KIF20B: variants seen among roughly 807,000 people sequenced by gnomAD.
The protein encoded by KIF20B is kinesin family member 20B, also known as kinesin-like protein KIF20B.
In KIF20B, 188 loss-of-function variants were observed where a neutral mutation model predicts 232.5. The observed-to-expected ratio is 0.81, with a 90% CI of 0.72 to 0.91. The LOEUF is 0.91. KIF20B is among the 40% of genes least tolerant of loss of function. The pLI is 0.00. For missense variants in KIF20B, 2,154 were observed against 2,055.9 expected (o/e 1.05, Z -0.92); for synonymous variants, 712 against 683.0 (o/e 1.04, Z -0.66).
chr10:89,764,403 T>A (rs1319690130), intron 29 of KIF20B, among the ~76,000 whole-genome samples: 3 of 152,196 alleles, frequency 2.0e-5, no homozygotes, highest in Admixed American at 6.5e-5. Flanking sequence ...GTCCTTTGGG[T>A]ATATACCCAG....
intron 27 of KIF20B, 132 bp from the exon 28 acceptor site, chr10:89,760,394 A>C: frequency 1.6e-6 from 1 of 610,212 alleles, no homozygotes; most frequent in Non-Finnish European, 2.9e-6. Flanking sequence ...GTGGTAATTA[A>C]AGGTGTCTTT....
intron 5 of KIF20B, among the ~76,000 whole-genome samples, chr10:89,710,675 A>G (rs1276182446): frequency 1.3e-5 from 2 of 152,218 alleles, no homozygotes; most frequent in Non-Finnish European, 2.9e-5. Context: ...GAAATTTTAT[A>G]TTTCATTTTA....
At position 89,737,487 on chromosome 10, in the gene KIF20B, A is replaced by C. The variant is rs938519006; in HGVS notation, c.2646A>C (p.Glu882Asp). The part of the protein sequence containing the change: ...AEIEDIRVLQ[E>D]NNEGLRAFLL... The stretch of plus-strand genomic sequence containing the variant: ...TTGAAGACATCAGAGTTTTACAAGA[A>C]AATAATGAAGGACTGAGAGCATTTT... Residue 882 changes from glutamate to aspartate, a missense_variant, in exon 20 of 33, where the codon GAA becomes GAC. Physicochemically the swap from Glu to Asp is conservative, Grantham distance 45 (BLOSUM62 2). Coordinates refer to ENST00000371728, the MANE Select transcript of KIF20B (RefSeq NM_001284259.2). The C allele has an allele frequency of 1.9e-6, 3 of 1,609,416 alleles. No individual in the cohort carries two copies. Among genetic ancestry groups the C allele is most frequent in the Non-Finnish European group, 1.7e-6 (2 of 1,178,652 alleles).
At chr10:89,743,699 G>A in intron 21 of KIF20B, 109 bp from the exon 22 acceptor site, 1 of 634,888 alleles carries the variant, frequency 1.6e-6, no homozygotes, top group Non-Finnish European at 2.5e-6. Flanking sequence ...TTTTCTTTTA[G>A]GCTGTAAAGG....
intron 22 of KIF20B, 77 bp from the exon 23 acceptor site, chr10:89,745,822 C>T: frequency 1.1e-6 from 1 of 920,636 alleles, no homozygotes; most frequent in African/African-American, 1.6e-5. Flanking sequence ...AATATTGAGC[C>T]CTGTTTTCAA....
intron 30 of KIF20B, among the ~76,000 whole-genome samples, 164 bp from the exon 31 acceptor site, chr10:89,768,574 T>C (rs1842408423): frequency 6.6e-6 from 1 of 152,000 alleles, no homozygotes; most frequent in South Asian, 2.1e-4. Context: ...CCTGTCAAAC[T>C]CTTTTTGCCA....
rs1843223349 is a variant in KIF20B, at chr10:89,727,846, A to G, written c.2231-10A>G. ...TAGATATTTATTTTCAATGTTCTTT[A>G]TTTTTTCAGAATCAGATTCATTGAT... On this transcript the variant is annotated splice_polypyrimidine_tract_variant and intron_variant, in intron 16 of 32. Transcript: ENST00000371728. The G allele has an allele frequency of 6.5e-7, 1 of 1,543,250 alleles. No individual in the cohort carries two copies. The highest frequency in any genetic ancestry group is 2.3e-5 in the East Asian group (1 of 43,320).
rs199849699 is a variant in KIF20B at position 89,729,294 on chromosome 10, G to A, written c.2391+47G>A. On this transcript the variant is annotated intron_variant, in intron 18 of 32. Transcript: ENST00000371728. ...ATATTAATAAATTAGATAAGCATAT[G>A]TTTTGGTTGAAAGGAAATAATTTAA... 5.0e-6 allele frequency: 7 copies of A among 1,394,544 alleles called. No homozygotes were observed. In the East Asian group the frequency reaches 2.0e-4, roughly 40 times the overall value. 86.4% of individuals were successfully genotyped at this position (1,394,544 alleles called of 1,614,324 possible). A position where few individuals can be genotyped will look rare whatever the true frequency, so the allele number is the denominator to read the frequency against.
intron 23 of KIF20B, among the ~76,000 whole-genome samples, chr10:89,748,313 A>G (rs1841958164): frequency 6.6e-6 from 1 of 152,158 alleles, no homozygotes; most frequent in South Asian, 2.1e-4. Context: ...CCTGGCCACA[A>G]AATTTCTTTT....
chr10:89,729,188 G>C lies in KIF20B; in HGVS notation c.2332G>C (p.Asp778His). The C allele has an allele frequency of 1.4e-6, 2 of 1,480,090 alleles. No homozygotes were observed. Among genetic ancestry groups the C allele is most frequent in the Non-Finnish European group, 1.8e-6 (2 of 1,101,514 alleles). The allele number at this position is 1,480,090 out of a possible 1,614,324, so 91.7% of individuals were successfully genotyped here. A position where few individuals can be genotyped will look rare whatever the true frequency, so the allele number is the denominator to read the frequency against. The change falls in exon 18 of 33, where the codon GAT becomes CAT. Residue 778 changes from aspartate to histidine, a missense_variant. Coordinates refer to ENST00000371728, the MANE Select transcript of KIF20B (RefSeq NM_001284259.2). ...ELINIIDQKEDTINEFQNLKS... is the reference protein window; with the variant it reads ...ELINIIDQKEHTINEFQNLKS... Reference sequence around the variant, plus strand: ...GATAAATATAATTGATCAAAAAGAAGATACTATCAACGAATTTCAGAACCT... The same window carrying C: ...GATAAATATAATTGATCAAAAAGAACATACTATCAACGAATTTCAGAACCT...
rs377662650 is a variant in KIF20B, at chr10:89,718,855, T to C, written c.1417T>C (p.Ser473Pro). Residue 473 changes from serine (S) to proline (P), a missense_variant, in exon 12 of 33, where the codon TCC becomes CCC. Transcript: ENST00000371728. ...TGAAACACTCAATGTATTGAAGTTC[T>C]CCGCCATTGCACAAAAAGTAAATAT... is the stretch of plus-strand genomic sequence containing the variant. ...YDETLNVLKF[S>P]AIAQKVCVPD... 1.3e-6 allele frequency: 2 copies of C among 1,561,646 alleles called. No individual in the cohort carries two copies. Among genetic ancestry groups the C allele is most frequent in the Non-Finnish European group, 1.7e-6 (2 of 1,156,088 alleles).
chr10:89,734,473 A>G (rs1564665585), intron 19 of KIF20B, among the ~76,000 whole-genome samples: 1 of 152,166 alleles, frequency 6.6e-6, no homozygotes, highest in Admixed American at 6.5e-5. Flanking sequence ...AAACAATCAC[A>G]TAAGTTTTTT....
intron 24 of KIF20B, among the ~76,000 whole-genome samples, chr10:89,751,915 C>A (rs1323655612): frequency 6.6e-6 from 1 of 151,804 alleles, no homozygotes; most frequent in African/African-American, 2.4e-5. Context: ...ATGTGTGATT[C>A]TTGTAGAAAG....
At chr10:89,740,063 C>G (rs2133131791) in intron 21 of KIF20B, among the ~76,000 whole-genome samples, 1 of 152,088 alleles carries the variant, frequency 6.6e-6, no homozygotes, top group South Asian at 2.1e-4. Context: ...AGTTTATATA[C>G]CAAGTGGGGA....
Position 89,710,991 on chromosome 10 carries a change from G to A in KIF20B, c.521G>A (p.Arg174Gln), listed in dbSNP as rs770462070. The A allele has an allele frequency of 6.2e-7, 1 of 1,605,446 alleles. No homozygotes were observed. Among genetic ancestry groups the A allele is most frequent in the Non-Finnish European group, 8.5e-7 (1 of 1,177,436 alleles). ...GTEENIGILP[R>Q]TLNVLFDSLQ... ...GAAGAAAATATTGGCATTCTGCCTC[G>A]AACTTTGAATGTATTATTTGATAGT... The change falls in exon 6 of 33, where the codon CGA becomes CAA. Residue 174 changes from arginine (R) to glutamine (Q), a missense_variant. By Grantham distance (43) the Arg-to-Gln change is conservative (BLOSUM62 1). Transcript: ENST00000371728.
Position 89,710,978 on chromosome 10 carries a change from G to A in KIF20B, c.508G>A (p.Gly170Ser). Reference protein sequence around the residue: ...YTFQGTEENIGILPRTLNVLF... With the variant: ...YTFQGTEENISILPRTLNVLF... Reference sequence around the variant, plus strand: ...TTTTGCAGGGACAGAAGAAAATATTGGCATTCTGCCTCGAACTTTGAATGT... The same window carrying A: ...TTTTGCAGGGACAGAAGAAAATATTAGCATTCTGCCTCGAACTTTGAATGT... Residue 170 changes from glycine to serine, a missense_variant, in exon 6 of 33, where the codon GGC (glycine) becomes AGC (serine). Coordinates refer to ENST00000371728, the MANE Select transcript of KIF20B (RefSeq NM_001284259.2). The A allele has an allele frequency of 6.2e-7, 1 of 1,604,290 alleles. No individual in the cohort carries two copies. The highest frequency in any genetic ancestry group is 8.5e-7 in the Non-Finnish European group (1 of 1,177,058).
intron 26 of KIF20B, among the ~76,000 whole-genome samples, chr10:89,755,946 T>C (rs1842111608): frequency 2.0e-5 from 3 of 152,144 alleles, no homozygotes; most frequent in African/African-American, 7.2e-5. Context: ...TTTCCACTTT[T>C]TTTCTTCCCT....
At position 89,754,500 on chromosome 10, in the gene KIF20B, T is replaced by C. The variant is rs147643452; in HGVS notation, c.4348-18T>C. The C allele has an allele frequency of 4.7e-6, 7 of 1,505,314 alleles. No individual in the cohort carries two copies. In the African/African-American group the frequency reaches 8.4e-5, roughly 18 times the overall value. 93.2% of individuals were successfully genotyped at this position (1,505,314 alleles called of 1,614,324 possible). On this transcript the variant is annotated intron_variant, in intron 25 of 32. Transcript: ENST00000371728. Reference sequence around the variant, plus strand: ...TTTGTAGGCATGCGATAATAACTTATACCATTTATATATACAGGAGTCTGA... The same window carrying C: ...TTTGTAGGCATGCGATAATAACTTACACCATTTATATATACAGGAGTCTGA...
At chr10:89,744,663 G>C (rs917189699) in intron 22 of KIF20B, among the ~76,000 whole-genome samples, 1 of 152,026 alleles carries the variant, frequency 6.6e-6, no homozygotes, top group Non-Finnish European at 1.5e-5. Context: ...ATTGTATATG[G>C]TTATTTTTTG....
Sources: gnomAD v4.1 joint callset for allele counts (sites outside exome capture counted in the v4.1 genomes callset) on GRCh38, gnomAD v4.1.1 for gene constraint, MANE v1.5 for transcripts, NCBI Gene and HGNC (gene_info 2026-07-23, HGNC 2026-07-21) for gene names.